Variants in INTS10 observed in about 807,000 individuals in gnomAD.
INTS10 encodes integrator complex subunit 10.
INTS10 carries 44 observed loss-of-function variants against 94.4 expected under a neutral mutation model. That is an observed-to-expected ratio of 0.47 (90% confidence interval 0.37 to 0.60). INTS10 has a LOEUF of 0.60. Ranked by LOEUF, INTS10 falls within the 20% of genes least tolerant of loss-of-function variation. The probability of loss-of-function intolerance (pLI) is 0.00; values close to 1 mark genes in which losing one functional copy is unlikely to be tolerated. For synonymous variants in INTS10, 341 were observed against 320.7 expected, an observed-to-expected ratio of 1.06 and a Z score of -0.68; for missense variants, 797 against 868.7, an observed-to-expected ratio of 0.92 and a Z score of 1.04.
At chr8:19,823,464 T>C in intron 6 of INTS10, 23 bp downstream of exon 6, 25 of 1,517,930 alleles carry the variant, frequency 1.6e-5, no homozygotes, top group Non-Finnish European at 2.3e-5. Context: ...ACCCTGTACT[T>C]TTACTTAAAT....
At chr8:19,829,456 A>G (rs1418349241) in intron 9 of INTS10, among the ~76,000 whole-genome samples, 1 of 151,318 alleles carries the variant, frequency 6.6e-6, no homozygotes, top group Admixed American at 6.6e-5. Context: ...TGGGCTTTAT[A>G]TTACTTGAGA....
chr8:19,820,260 T>C (rs2066266903), intron 3 of INTS10, 119 bp from the exon 4 acceptor site: 18 of 908,202 alleles, frequency 2.0e-5, no homozygotes, highest in Middle Eastern at 3.5e-4. Flanking sequence ...GAAACTTAAC[T>C]GCATTGATTT....
In INTS10 at chr8:19,818,176, G is replaced by T. The variant is rs143057174; in HGVS notation, c.130-99G>T. ...GTCACCAGGCGGAGCTTCACTCTCAGGCCCTCCCTTCCTGCAGGAGGGCCA... is the reference window on the plus strand; with the variant it reads ...GTCACCAGGCGGAGCTTCACTCTCATGCCCTCCCTTCCTGCAGGAGGGCCA... On this transcript the variant is annotated intron_variant, in intron 1 of 16. Coordinates refer to ENST00000397977, the MANE Select transcript of INTS10 (RefSeq NM_018142.4). 8.1e-5 allele frequency: 93 copies of T among 1,147,242 alleles called. 1 individual carries two copies. The highest frequency in any genetic ancestry group is 3.9e-4 in the Middle Eastern group (2 of 5,136). The allele number at this position is 1,147,242 out of a possible 1,614,324, so 71.1% of individuals were successfully genotyped here. A position where few individuals can be genotyped will look rare whatever the true frequency, so the allele number is the denominator to read the frequency against.
intron 16 of INTS10, chr8:19,848,822 C>G (rs1365038206): frequency 1.2e-5 from 2 of 161,534 alleles, no homozygotes; most frequent in Non-Finnish European, 2.7e-5. Flanking sequence ...GAAAATGTGT[C>G]TTCTCAAAGG....
chr8:19,839,573 C>T (rs2067953379), intron 13 of INTS10, among the ~76,000 whole-genome samples: 1 of 152,022 alleles, frequency 6.6e-6, no homozygotes, highest in African/African-American at 2.4e-5. Flanking sequence ...GTGGTGTGCA[C>T]CTGTAGTTCC....
At chr8:19,835,685 C>A (rs994399005) in intron 12 of INTS10, among the ~76,000 whole-genome samples, 5 of 152,162 alleles carry the variant, frequency 3.3e-5, no homozygotes, top group Non-Finnish European at 7.3e-5. Context: ...CTCCAGAGTT[C>A]AAGTTTTCAA....
chr8:19,821,255 C>G (rs2066350681), intron 4 of INTS10: 1 of 152,208 alleles, frequency 6.6e-6, no homozygotes, highest in Non-Finnish European at 1.5e-5. Context: ...AGCTAGAAGT[C>G]TAAAAGTCAG....
intron 16 of INTS10, among the ~76,000 whole-genome samples, chr8:19,847,345 A>C (rs2068663547): frequency 6.6e-6 from 1 of 152,244 alleles, no homozygotes; most frequent in Non-Finnish European, 1.5e-5. Context: ...AAGATCGTGA[A>C]TCGAAACTTT....
chr8:19,822,334 T>A (rs2066442221), intron 4 of INTS10, 105 bp from the exon 5 acceptor site: 2 of 614,714 alleles, frequency 3.3e-6, no homozygotes, highest in South Asian at 4.4e-5. Flanking sequence ...CAGATAAGTT[T>A]GATTATGCAA....
intron 13 of INTS10, among the ~76,000 whole-genome samples, chr8:19,842,176 C>T (rs1272224497): frequency 6.6e-6 from 1 of 152,104 alleles, no homozygotes; most frequent in Non-Finnish European, 1.5e-5. Flanking sequence ...ATGTCAATAT[C>T]CTCTGTAAAA....
chr8:19,836,461 G>A (rs951076492), intron 12 of INTS10, among the ~76,000 whole-genome samples: 5 of 152,178 alleles, frequency 3.3e-5, no homozygotes, highest in East Asian at 1.9e-4. Context: ...AGACCAAACC[G>A]CTGGCCCTCA....
At position 19,817,602 on chromosome 8, in the gene INTS10, T is replaced by C; in HGVS notation, c.65T>C (p.Leu22Pro). 6.2e-7 allele frequency: 1 copy of C among 1,608,756 alleles called. No homozygotes were observed. The change falls in exon 1 of 17, where the codon CTG becomes CCG. Residue 22 changes from leucine (L) to proline (P), a missense_variant. Coordinates refer to ENST00000397977, the MANE Select transcript of INTS10 (RefSeq NM_018142.4). Reference protein sequence around the residue: ...QRARELVPQDLWAAKAWLITA... With the variant: ...QRARELVPQDPWAAKAWLITA... ...GCCCGGGAGTTGGTGCCGCAAGACC[T>C]GTGGGCAGCCAAGGCGTGGCTGATC...
intron 9 of INTS10, among the ~76,000 whole-genome samples, chr8:19,828,201 A>T (rs574310693): frequency 1.6e-3 from 236 of 152,228 alleles, no homozygotes; most frequent in African/African-American, 5.4e-3. Context: ...ACAGAGGGAG[A>T]CCCCGTCTAT....
chr8:19,823,199 T>G, intron 5 of INTS10, 102 bp from the exon 6 acceptor site: 1 of 860,840 alleles, frequency 1.2e-6, no homozygotes, highest in South Asian at 1.6e-5. Context: ...CCCCTATATA[T>G]TTTAGATACT....
At chr8:19,821,212 T>C (rs1188572830) in intron 4 of INTS10, 1 of 152,188 alleles carries the variant, frequency 6.6e-6, no homozygotes, top group African/African-American at 2.4e-5. Flanking sequence ...ACTGGGTAGC[T>C]TAAAACAACA....
intron 12 of INTS10, among the ~76,000 whole-genome samples, 191 bp from the exon 13 acceptor site, chr8:19,836,861 A>G (rs886760270): frequency 6.6e-6 from 1 of 152,188 alleles, no homozygotes; most frequent in East Asian, 1.9e-4. Flanking sequence ...AGTCTAGTAC[A>G]TAGCTTTGAG....
At chr8:19,839,740 G>A (rs1287733141) in intron 13 of INTS10, among the ~76,000 whole-genome samples, 1 of 151,900 alleles carries the variant, frequency 6.6e-6, no homozygotes, top group East Asian at 1.9e-4. Context: ...TTACATATTT[G>A]GCTATGTAGA....
chr8:19,848,332 C>T (rs2068747103), intron 16 of INTS10, among the ~76,000 whole-genome samples: 1 of 152,084 alleles, frequency 6.6e-6, no homozygotes, highest in Non-Finnish European at 1.5e-5. Context: ...GGTACAGTAC[C>T]AACACTGAGG....
intron 4 of INTS10, chr8:19,822,037 G>T (rs1306094199): frequency 6.3e-6 from 1 of 159,174 alleles, no homozygotes; most frequent in Non-Finnish European, 1.4e-5. Flanking sequence ...AACGTGATAC[G>T]TTTTGTCTAT....
Sources: gnomAD v4.1 joint callset for allele counts (sites outside exome capture counted in the v4.1 genomes callset) on GRCh38, gnomAD v4.1.1 for gene constraint, MANE v1.5 for transcripts, NCBI Gene and HGNC (gene_info 2026-07-23, HGNC 2026-07-21) for gene names.